The following SORBS2 variants were observed in gnomAD, a reference collection of about 807,000 sequenced individuals.
The protein encoded by SORBS2 is sorbin and SH3 domain-containing protein 2.
In SORBS2, 46 loss-of-function variants were observed where a neutral mutation model predicts 97.7. That is an observed-to-expected ratio of 0.47 (90% CI 0.37 to 0.60). The LOEUF (loss-of-function observed/expected upper bound fraction) is 0.60. Ranked by LOEUF, SORBS2 falls within the 20% of genes least tolerant of loss-of-function variation. The pLI is 0.00. For missense variants in SORBS2, 1,316 were observed against 1,282.3 expected, an observed-to-expected ratio of 1.03 and a Z score of -0.40; for synonymous variants, 476 against 473.4, an observed-to-expected ratio of 1.01 and a Z score of -0.07.
chr4:185,607,121 C>G lies in SORBS2; in HGVS notation c.2796+4659G>C, dbSNP rs973939967. On this transcript the variant is annotated intron_variant, in intron 12 of 14. Coordinates refer to ENST00000418609, the Ensembl canonical transcript of SORBS2. This position sits in a 1 kb window ranked among gnomAD's most constrained non-coding sequence, Gnocchi z 5.2. ...TCCTTAATTTCCAGGATGGCGTCCTCTAGGATGGTTGGTTTGGCTTGGTCA... is the reference window on the plus strand; with the variant it reads ...TCCTTAATTTCCAGGATGGCGTCCTGTAGGATGGTTGGTTTGGCTTGGTCA... 2 of 1,093,314 alleles carry G rather than the reference C, an allele frequency of 1.8e-6. No homozygotes were observed. Among genetic ancestry groups the G allele is most frequent in the Middle Eastern group, 2.5e-4 (1 of 3,934 alleles). The allele number at this position is 1,093,314 out of a possible 1,614,324, so 67.7% of individuals were successfully genotyped here.
intron 2 of SORBS2, among the ~76,000 whole-genome samples, chr4:185,721,648 G>A (rs765143786): frequency 6.6e-6 from 1 of 152,216 alleles, no homozygotes; most frequent in Non-Finnish European, 1.5e-5. Context: ...CTTGGGCACA[G>A]TTTCAAAGTC....
intron 12 of SORBS2, among the ~76,000 whole-genome samples, chr4:185,602,974 G>A (rs1038469015): frequency 3.3e-5 from 5 of 152,156 alleles, no homozygotes; most frequent in East Asian, 1.9e-4. Context: ...TTGATTTGCT[G>A]GAGTTAGTCA....
At chr4:185,882,931 C>T (rs981058194) in intron 1 of SORBS2, among the ~76,000 whole-genome samples, 1 of 152,006 alleles carries the variant, frequency 6.6e-6, no homozygotes, top group African/African-American at 2.4e-5. Flanking sequence ...AATACATGTA[C>T]ATCTTAAAAA....
At chr4:185,869,829 T>G (rs1039199692) in intron 1 of SORBS2, among the ~76,000 whole-genome samples, 2 of 152,180 alleles carry the variant, frequency 1.3e-5, no homozygotes, top group Non-Finnish European at 2.9e-5. Context: ...TTTAGCAAAT[T>G]CCCCAGCTGC....
intron 2 of SORBS2, among the ~76,000 whole-genome samples, chr4:185,699,796 A>T (rs2098233335): frequency 1.3e-5 from 2 of 152,258 alleles, no homozygotes; most frequent in Admixed American, 1.3e-4. Context: ...AAAGACAGAT[A>T]TCTTCCATTT....
At chr4:185,729,531 C>T (rs554728803) in intron 2 of SORBS2, among the ~76,000 whole-genome samples, 6 of 152,344 alleles carry the variant, frequency 3.9e-5, no homozygotes, top group Non-Finnish European at 7.3e-5. Context: ...TCTGTAGCCA[C>T]GTGGATCTGT....
intron 1 of SORBS2, among the ~76,000 whole-genome samples, chr4:185,851,845 G>A (rs1198499986): frequency 6.6e-6 from 1 of 152,116 alleles, no homozygotes; most frequent in Non-Finnish European, 1.5e-5. Flanking sequence ...GACTCAGACT[G>A]GCTCTCCTTA....
intron 9 of SORBS2, among the ~76,000 whole-genome samples, chr4:185,618,379 CAT>C (rs2096660309): frequency 6.6e-6 from 1 of 152,162 alleles, no homozygotes; most frequent in African/African-American, 2.4e-5. Flanking sequence ...TTCTACCTAA[CAT>C]GTTTAATGTA....
At chr4:185,717,466 G>A (rs183880032) in intron 2 of SORBS2, among the ~76,000 whole-genome samples, 5 of 152,306 alleles carry the variant, frequency 3.3e-5, no homozygotes, top group African/African-American at 7.2e-5. Context: ...TGTGCAACGC[G>A]TATTATTTGC....
intron 2 of SORBS2, chr4:185,740,233 G>A (rs553166581): frequency 7.2e-5 from 11 of 152,480 alleles, no homozygotes; most frequent in Admixed American, 5.9e-4. Context: ...AGAGAGAAGC[G>A]GTGGTCTTGT....
chr4:185,835,031 G>A (rs979351911), intron 1 of SORBS2, among the ~76,000 whole-genome samples: 3 of 152,126 alleles, frequency 2.0e-5, no homozygotes, highest in Non-Finnish European at 4.4e-5. Flanking sequence ...GAGTTCCCTG[G>A]AGATCTGGTT....
intron 2 of SORBS2, among the ~76,000 whole-genome samples, chr4:185,730,119 A>AT (rs2098603817): frequency 6.6e-6 from 1 of 151,882 alleles, no homozygotes; most frequent in Non-Finnish European, 1.5e-5. Context: ...CACCTGGCTA[A>AT]TTTTTTGTAT....
At chr4:185,881,831 G>T (rs2099237053) in intron 1 of SORBS2, among the ~76,000 whole-genome samples, 1 of 151,958 alleles carries the variant, frequency 6.6e-6, no homozygotes, top group South Asian at 2.1e-4. Flanking sequence ...GGTAGGGGAA[G>T]AAAAAAGAAG....
At chr4:185,836,681 G>A (rs952054602) in intron 1 of SORBS2, among the ~76,000 whole-genome samples, 1 of 152,100 alleles carries the variant, frequency 6.6e-6, no homozygotes, top group African/African-American at 2.4e-5. Flanking sequence ...TTCAAACCCA[G>A]CTCATGAGGC....
intron 1 of SORBS2, among the ~76,000 whole-genome samples, chr4:185,928,438 C>T (rs1201825578): frequency 6.6e-6 from 1 of 152,158 alleles, no homozygotes; most frequent in Non-Finnish European, 1.5e-5. Flanking sequence ...TCTTCTTTGT[C>T]TAACTCCCTG....
chr4:185,852,428 C>A (rs528081386), intron 1 of SORBS2, among the ~76,000 whole-genome samples: 146 of 152,042 alleles, frequency 9.6e-4, no homozygotes, highest in Non-Finnish European at 1.8e-3. Context: ...TAGGTAAGGT[C>A]ACCAACCAAA....
intron 2 of SORBS2, among the ~76,000 whole-genome samples, chr4:185,706,815 A>G (rs1415255296): frequency 6.6e-6 from 1 of 152,168 alleles, no homozygotes. Context: ...GCTAAGATTC[A>G]TCTATATTGT....
intron 2 of SORBS2, among the ~76,000 whole-genome samples, chr4:185,710,225 T>C (rs1322745537): frequency 2.6e-5 from 4 of 152,164 alleles, no homozygotes; most frequent in African/African-American, 9.7e-5. Context: ...TCAGCTTTGC[T>C]TTCACTCAGT....
chr4:185,656,604 C>T lies in SORBS2; in HGVS notation c.24+11G>A. ...AGCTGCAGTCCCTCCCCGCATGGCCCCCAACTTCACCTGCAAAGGTGTTGT... is the reference window on the plus strand; with the variant it reads ...AGCTGCAGTCCCTCCCCGCATGGCCTCCAACTTCACCTGCAAAGGTGTTGT... On this transcript the variant is annotated intron_variant, in intron 1 of 14. Coordinates refer to ENST00000418609, the Ensembl canonical transcript of SORBS2. The T allele has an allele frequency of 6.5e-6, 10 of 1,541,728 alleles. No individual in the cohort carries two copies. The South Asian group carries it at 1.2e-4, about 18-fold the overall frequency.
Sources: gnomAD v4.1 joint callset for allele counts (sites outside exome capture counted in the v4.1 genomes callset) on GRCh38, gnomAD v4.1.1 for gene constraint, Gnocchi (gnomAD v3.1) non-coding constraint, MANE v1.5 for transcripts, NCBI Gene and HGNC (gene_info 2026-07-23, HGNC 2026-07-21) for gene names.